FNDC3A: variants seen among roughly 807,000 people sequenced by gnomAD.
The protein encoded by FNDC3A is fibronectin type III domain containing 3A, also known as fibronectin type-III domain-containing protein 3A.
In FNDC3A, 32 loss-of-function variants were observed where a neutral mutation model predicts 148.9. The observed-to-expected ratio is 0.21, with a 90% CI of 0.16 to 0.29. The LOEUF (loss-of-function observed/expected upper bound fraction) is 0.29. Among genes scored for constraint, FNDC3A ranks in the 10% least tolerant of loss-of-function variants. The pLI is 1.00. For synonymous variants in FNDC3A, 472 were observed against 473.6 expected (o/e 1.00, Z 0.04); for missense variants, 1,191 against 1,452.8 (o/e 0.82, Z 2.93).
intron 4 of FNDC3A, among the ~76,000 whole-genome samples, chr13:49,116,913 T>C (rs1222353098): frequency 1.3e-5 from 2 of 152,132 alleles, no homozygotes; most frequent in Non-Finnish European, 2.9e-5. Context: ...TAGCTATGCA[T>C]CTATCTGAGA....
At chr13:49,147,015 C>T (rs1017850058) in intron 8 of FNDC3A, among the ~76,000 whole-genome samples, 12 of 152,160 alleles carry the variant, frequency 7.9e-5, no homozygotes, top group Middle Eastern at 3.4e-3. Context: ...ACATAGCTGG[C>T]AAGGAGAAGA....
chr13:49,139,645 G>C (rs1260718187), intron 7 of FNDC3A, among the ~76,000 whole-genome samples: 1 of 152,118 alleles, frequency 6.6e-6, no homozygotes, highest in Non-Finnish European at 1.5e-5. Context: ...GGTTGCTCTA[G>C]CTTTCTTTAT....
intron 2 of FNDC3A, among the ~76,000 whole-genome samples, chr13:49,033,652 G>A (rs565122743): frequency 1.3e-5 from 2 of 151,932 alleles, no homozygotes; most frequent in South Asian, 4.1e-4. Context: ...AAAAATCAGA[G>A]AATGCAACCA....
intron 2 of FNDC3A, among the ~76,000 whole-genome samples, chr13:49,050,520 T>G (rs1476883609): frequency 6.6e-6 from 1 of 152,220 alleles, no homozygotes; most frequent in African/African-American, 2.4e-5. Flanking sequence ...TGGTATAATT[T>G]CGATTTTCTT....
chr13:49,136,110 C>A (rs1310369832), intron 5 of FNDC3A, among the ~76,000 whole-genome samples: 1 of 152,112 alleles, frequency 6.6e-6, no homozygotes, highest in East Asian at 1.9e-4. Flanking sequence ...AAATAAATCT[C>A]TCTGTAAATT....
At position 49,209,436 on chromosome 13, in the gene FNDC3A, T is replaced by C. The variant is rs1303913609; in HGVS notation, c.*2041T>C. 6.6e-6 allele frequency: 1 copy of C among 152,636 alleles called. No homozygotes were observed. Among genetic ancestry groups the C allele is most frequent in the Non-Finnish European group, 1.5e-5 (1 of 68,026 alleles). 9.5% of individuals were successfully genotyped at this position (152,636 alleles called of 1,614,324 possible). A position where few individuals can be genotyped will look rare whatever the true frequency, so the allele number is the denominator to read the frequency against. On this transcript the variant is annotated 3_prime_UTR_variant, in exon 26 of 26. Transcript: ENST00000492622. ...TACATTCCAAAAACTCTAAACTTTT[T>C]AAAGATTATAGATACACTACCAAAC... is the stretch of plus-strand genomic sequence containing the variant.
At chr13:49,180,473 A>G (rs1354763106) in intron 14 of FNDC3A, among the ~76,000 whole-genome samples, 2 of 152,194 alleles carry the variant, frequency 1.3e-5, no homozygotes, top group African/African-American at 4.8e-5. Context: ...TATGATTTTC[A>G]TATTTACAAG....
At chr13:49,149,438 C>T (rs1883168239) in intron 8 of FNDC3A, among the ~76,000 whole-genome samples, 1 of 152,104 alleles carries the variant, frequency 6.6e-6, no homozygotes, top group Non-Finnish European at 1.5e-5. Flanking sequence ...AATTTCTCTA[C>T]ATCTATTGAG....
At chr13:49,038,829 C>T (rs1352807281) in intron 2 of FNDC3A, among the ~76,000 whole-genome samples, 1 of 152,124 alleles carries the variant, frequency 6.6e-6, no homozygotes, top group East Asian at 1.9e-4. Flanking sequence ...TAACTTATAT[C>T]TGTAAAATTG....
intron 1 of FNDC3A, among the ~76,000 whole-genome samples, chr13:48,994,854 G>T (rs1175491597): frequency 6.6e-6 from 1 of 152,114 alleles, no homozygotes; most frequent in African/African-American, 2.4e-5. Context: ...AAGACAGGAA[G>T]TGGGGTATAG....
Position 48,983,763 on chromosome 13 carries a change from G to A in FNDC3A, c.-40+7586G>A, listed in dbSNP as rs374769598. On this transcript the variant is annotated intron_variant, in intron 1 of 25. Transcript: ENST00000492622. Reference sequence around the variant, plus strand: ...TACTTAAGCCTTAAAACATCTCTCTGCGGTAGATACTATTATCACCAAATG... The same window carrying A: ...TACTTAAGCCTTAAAACATCTCTCTACGGTAGATACTATTATCACCAAATG... Among the ~76,000 whole-genome samples, 5 of 152,120 alleles carry A rather than the reference G, an allele frequency of 3.3e-5. No individual in the cohort carries two copies. The East Asian group carries it at 5.8e-4, about 18-fold the overall frequency.
intron 7 of FNDC3A, among the ~76,000 whole-genome samples, chr13:49,143,593 A>T (rs1275217194): frequency 2.0e-5 from 3 of 152,116 alleles, no homozygotes; most frequent in Non-Finnish European, 4.4e-5. Context: ...ATAGACAGGG[A>T]TTCCATACTA....
intron 3 of FNDC3A, among the ~76,000 whole-genome samples, chr13:49,094,185 A>G (rs1156283752): frequency 6.6e-6 from 1 of 152,124 alleles, no homozygotes; most frequent in Admixed American, 6.6e-5. Context: ...ATCTTCATCA[A>G]TTGGTTTTAA....
intron 3 of FNDC3A, among the ~76,000 whole-genome samples, chr13:49,106,270 C>A (rs554620158): frequency 1.3e-5 from 2 of 152,298 alleles, no homozygotes; most frequent in Non-Finnish European, 1.5e-5. Flanking sequence ...TCCCCCTCAC[C>A]ATCAGCCTAT....
chr13:49,018,058 G>A (rs1055165018), intron 2 of FNDC3A, among the ~76,000 whole-genome samples: 16 of 151,692 alleles, frequency 1.1e-4, no homozygotes, highest in African/African-American at 3.9e-4. Context: ...TTCAACTTTG[G>A]TGAATCTGAC....
At chr13:48,978,528 CATT>C (rs1566170239) in intron 1 of FNDC3A, among the ~76,000 whole-genome samples, 2 of 150,812 alleles carry the variant, frequency 1.3e-5, no homozygotes, top group African/African-American at 2.4e-5. Context: ...TTTTTTGAAA[CATT>C]GTTGGTGCAT....
intron 1 of FNDC3A, among the ~76,000 whole-genome samples, chr13:49,005,923 A>G (rs913549483): frequency 1.3e-5 from 2 of 151,992 alleles, no homozygotes; most frequent in East Asian, 3.8e-4. Flanking sequence ...GCTTTAATAT[A>G]TCATATAAAC....
chr13:49,197,462 T>G (rs1485530835), intron 20 of FNDC3A, among the ~76,000 whole-genome samples: 1 of 152,178 alleles, frequency 6.6e-6, no homozygotes, highest in East Asian at 1.9e-4. Flanking sequence ...TTGAAACATA[T>G]TTACCTTAAA....
chr13:49,105,484 T>C (rs1318868544), intron 3 of FNDC3A, among the ~76,000 whole-genome samples: 1 of 152,210 alleles, frequency 6.6e-6, no homozygotes, highest in Non-Finnish European at 1.5e-5. Flanking sequence ...TCATCCAGTC[T>C]CATGGATTTA....
Sources: gnomAD v4.1 joint callset for allele counts (sites outside exome capture counted in the v4.1 genomes callset) on GRCh38, gnomAD v4.1.1 for gene constraint, MANE v1.5 for transcripts, NCBI Gene and HGNC (gene_info 2026-07-23, HGNC 2026-07-21) for gene names.